Variants in ALPL observed in about 807,000 individuals in gnomAD.
ALPL encodes the protein alkaline phosphatase, tissue-nonspecific isozyme.
In ALPL, 42 loss-of-function variants were observed where a neutral mutation model predicts 51.3. The ratio of observed to expected loss-of-function variants is 0.82; its 90% CI spans 0.64 to 1.06. The LOEUF is 1.06. Among genes scored for constraint, ALPL ranks in the 50% least tolerant of loss-of-function variants. The probability of loss-of-function intolerance (pLI) is 0.00; values close to 1 mark genes in which losing one functional copy is unlikely to be tolerated. For missense variants in ALPL, 589 were observed against 709.4 expected (o/e 0.83, Z 1.93); for synonymous variants, 279 against 296.4 (o/e 0.94, Z 0.60).
chr1:21,570,793 C>T (rs144502658), intron 8 of ALPL, among the ~76,000 whole-genome samples: 4 of 152,304 alleles, frequency 2.6e-5, no homozygotes, highest in Non-Finnish European at 5.9e-5. Flanking sequence ...CCCATCCTGA[C>T]GATTGCCCTC....
intron 1 of ALPL, among the ~76,000 whole-genome samples, chr1:21,537,910 T>C (rs559346658): frequency 4.1e-4 from 62 of 152,282 alleles, no homozygotes; most frequent in Non-Finnish European, 5.9e-4. Context: ...ATAGAGTTTC[T>C]CCCTCTTCCT....
chr1:21,532,801 C>CT (rs1375357104), intron 1 of ALPL, among the ~76,000 whole-genome samples: 2 of 152,198 alleles, frequency 1.3e-5, no homozygotes, highest in Non-Finnish European at 2.9e-5. Flanking sequence ...GACTCCTTCC[C>CT]TGACCATGCC....
rs1166591635 is a variant in ALPL at position 21,568,173 on chromosome 1, G to A, written c.718G>A (p.Glu240Lys). The A allele has an allele frequency of 6.2e-7, 1 of 1,614,026 alleles. No individual in the cohort carries two copies. Among genetic ancestry groups the A allele is most frequent in the Middle Eastern group, 1.6e-4 (1 of 6,062 alleles). Residue 240 changes from glutamate (E) to lysine (K), a missense_variant, in exon 7 of 12, where the codon GAG (glutamate) becomes AAG (lysine). By Grantham distance (56) the Glu-to-Lys change is moderately conservative. Transcript: ENST00000374840. ...NKTDVEYESD[E>K]KARGTRLDGL... ...AACTGATGTGGAGTATGAGAGTGACGAGAAAGCCAGGGGCACGAGGCTGGA... is the reference window on the plus strand; with the variant it reads ...AACTGATGTGGAGTATGAGAGTGACAAGAAAGCCAGGGGCACGAGGCTGGA...
chr1:21,568,335 C>G, intron 7 of ALPL, 88 bp downstream of exon 7: 1 of 1,579,964 alleles, frequency 6.3e-7, no homozygotes, highest in East Asian at 2.3e-5. Flanking sequence ...CTGTTGTCCT[C>G]TGTAGAAAGG....
Position 21,573,688 on chromosome 1 carries a change from C to A in ALPL, c.886C>A (p.Gln296Lys). 6.2e-7 allele frequency: 1 copy of A among 1,613,960 alleles called. No homozygotes were observed. The highest frequency in any genetic ancestry group is 8.5e-7 in the Non-Finnish European group (1 of 1,179,960). Reference protein sequence around the residue: ...LLGLFEPGDMQYELNRNNVTD... With the variant: ...LLGLFEPGDMKYELNRNNVTD... ...AGGTCTCTTCGAGCCAGGGGACATG[C>A]AGTACGAGCTGAACAGGAACAACGT... is the stretch of plus-strand genomic sequence containing the variant. Residue 296 changes from glutamine (Q) to lysine (K), a missense_variant, in exon 9 of 12, where the codon CAG (glutamine) becomes AAG (lysine). Physicochemically the swap from Gln to Lys is moderately conservative, Grantham distance 53 (BLOSUM62 1). Coordinates refer to ENST00000374840, the MANE Select transcript of ALPL (RefSeq NM_000478.6).
intron 1 of ALPL, among the ~76,000 whole-genome samples, chr1:21,543,442 A>G (rs1006309953): frequency 3.9e-5 from 6 of 151,966 alleles, no homozygotes; most frequent in Non-Finnish European, 4.4e-5. Flanking sequence ...GTCATGATAA[A>G]GACCGGCCGG....
chr1:21,576,232 ATG>A (rs1558557758), intron 10 of ALPL, among the ~76,000 whole-genome samples: 1 of 145,154 alleles, frequency 6.9e-6, no homozygotes, highest in Admixed American at 6.9e-5. Flanking sequence ...GGATGGATGG[ATG>A]GATGGATGGA....
At chr1:21,560,466 T>A (rs1644467334) in intron 2 of ALPL, among the ~76,000 whole-genome samples, 160 bp from the exon 3 acceptor site, 1 of 152,098 alleles carries the variant, frequency 6.6e-6, no homozygotes, top group African/African-American at 2.4e-5. Context: ...GGATGGCACA[T>A]ATTTATAAAC....
intron 1 of ALPL, among the ~76,000 whole-genome samples, chr1:21,515,907 T>A (rs1319749072): frequency 6.6e-6 from 1 of 152,118 alleles, no homozygotes; most frequent in Non-Finnish European, 1.5e-5. Context: ...GTCTAGTGGC[T>A]CTGTTGCCCA....
chr1:21,560,815 G>A, intron 3 of ALPL, 70 bp downstream of exon 3: 1 of 1,593,748 alleles, frequency 6.3e-7, no homozygotes, highest in Non-Finnish European at 8.6e-7. Flanking sequence ...GCCAGGCTGA[G>A]TTGAAGGGGG....
At chr1:21,563,006 C>G (rs1570273166) in intron 4 of ALPL, 104 bp from the exon 5 acceptor site, 2 of 1,490,294 alleles carry the variant, frequency 1.3e-6, no homozygotes, top group South Asian at 1.1e-5. Flanking sequence ...ATGGGGTCCT[C>G]TCTGGTCCCT....
At chr1:21,561,666 CTTTTTT>C (rs11296484) in intron 4 of ALPL, among the ~76,000 whole-genome samples, 2 of 112,404 alleles carry the variant, frequency 1.8e-5, no homozygotes, top group Non-Finnish European at 1.8e-5. Flanking sequence ...CTATATATGC[CTTTTTT>C]TTTTTTTTTT....
intron 4 of ALPL, among the ~76,000 whole-genome samples, chr1:21,562,671 C>T (rs1188748048): frequency 1.3e-5 from 2 of 152,028 alleles, no homozygotes; most frequent in Non-Finnish European, 2.9e-5. Flanking sequence ...TGGCCCCACC[C>T]TTCCCTTCCC....
intron 1 of ALPL, among the ~76,000 whole-genome samples, chr1:21,523,423 T>G (rs1643903811): frequency 6.6e-6 from 1 of 152,212 alleles, no homozygotes; most frequent in Admixed American, 6.5e-5. Context: ...CCTGCCTCCT[T>G]CTGTAAAGAC....
chr1:21,527,015 GTTCTTTTCTTTTCTT>G (rs57296888), intron 1 of ALPL, among the ~76,000 whole-genome samples: 6 of 140,526 alleles, frequency 4.3e-5, no homozygotes, highest in Admixed American at 7.3e-5. Context: ...TGTTATTCTT[GTTCTTTTCTTTTCTT>G]TTCTTTTCTT....
intron 1 of ALPL, among the ~76,000 whole-genome samples, chr1:21,517,637 C>T (rs1643825641): frequency 6.6e-6 from 1 of 152,056 alleles, no homozygotes; most frequent in African/African-American, 2.4e-5. Flanking sequence ...CCTGAGAAAC[C>T]CAGAGGGGCC....
chr1:21,566,053 G>A (rs993513883), intron 6 of ALPL, among the ~76,000 whole-genome samples: 2 of 152,038 alleles, frequency 1.3e-5, no homozygotes, highest in Non-Finnish European at 2.9e-5. Context: ...CGGGGCAAGG[G>A]ACCCGTGACC....
intron 5 of ALPL, among the ~76,000 whole-genome samples, chr1:21,563,615 A>C (rs1644518432): frequency 6.6e-6 from 1 of 152,120 alleles, no homozygotes; most frequent in East Asian, 1.9e-4. Flanking sequence ...GGTGCAGTCC[A>C]TGGCCACGCC....
At chr1:21,561,886 C>T (rs1170669511) in intron 4 of ALPL, among the ~76,000 whole-genome samples, 2 of 152,018 alleles carry the variant, frequency 1.3e-5, no homozygotes, top group Admixed American at 6.6e-5. Flanking sequence ...AGGCTGGTCT[C>T]GAACTCCTGA....
Sources: allele counts gnomAD v4.1 joint callset (sites outside exome capture counted in the v4.1 genomes callset), GRCh38; gene constraint gnomAD v4.1.1; transcripts MANE v1.5; gene names NCBI Gene and HGNC (gene_info 2026-07-23, HGNC 2026-07-21).